CDC37L1: variants seen among roughly 807,000 people sequenced by gnomAD.
The protein encoded by CDC37L1 is cell division cycle 37 like 1, HSP90 cochaperone, also known as hsp90 co-chaperone Cdc37-like 1.
A neutral mutation model predicts 45.9 loss-of-function variants in CDC37L1; 32 were observed. That is an observed-to-expected ratio of 0.70 (90% CI 0.53 to 0.94). The LOEUF is 0.94. Ranked by LOEUF, CDC37L1 falls within the 40% of genes least tolerant of loss-of-function variation. CDC37L1 has a pLI of 0.00. For missense variants in CDC37L1, 434 were observed against 405.7 expected, an observed-to-expected ratio of 1.07 and a Z score of -0.60; for synonymous variants, 150 against 133.0, an observed-to-expected ratio of 1.13 and a Z score of -0.88.
intron 2 of CDC37L1, among the ~76,000 whole-genome samples, chr9:4,687,707 GCAA>G (rs1841263069): frequency 2.2e-5 from 3 of 135,256 alleles, no homozygotes; most frequent in Non-Finnish European, 3.1e-5. Flanking sequence ...AAAAAGACAC[GCAA>G]CAACAACAGT....
At chr9:4,687,392 C>T (rs1469604443) in intron 2 of CDC37L1, among the ~76,000 whole-genome samples, 1 of 152,046 alleles carries the variant, frequency 6.6e-6, no homozygotes, top group East Asian at 1.9e-4. Context: ...AGAAATGCAA[C>T]AAAGGGCCAG....
At position 4,685,140 on chromosome 9, in the gene CDC37L1, C is replaced by T. The variant is rs773175168; in HGVS notation, c.396C>T (p.Ser132=). The T allele has an allele frequency of 7.3e-5, 117 of 1,613,200 alleles. No homozygotes were observed. Among genetic ancestry groups the T allele is most frequent in the Non-Finnish European group, 9.0e-5 (106 of 1,179,408 alleles). The change falls in exon 2 of 7, where the codon AGC becomes AGT. Residue 132 remains serine (S), a synonymous_variant. Transcript: ENST00000381854. ...GTCTGTGGAGCACGGATGCCATTAGCAAGGATGTTTTTAATAAGGTATGAG... is the reference window on the plus strand; with the variant it reads ...GTCTGTGGAGCACGGATGCCATTAGTAAGGATGTTTTTAATAAGGTATGAG... ...KMCLWSTDAI[S]KDVFNKSFIN...
intron 3 of CDC37L1, among the ~76,000 whole-genome samples, chr9:4,695,386 T>A (rs1191981297): frequency 6.6e-6 from 1 of 152,212 alleles, no homozygotes; most frequent in Non-Finnish European, 1.5e-5. Flanking sequence ...CCATAATCAT[T>A]CTGTTTCTCA....
chr9:4,686,732 G>A (rs1277028128), intron 2 of CDC37L1, among the ~76,000 whole-genome samples: 1 of 152,120 alleles, frequency 6.6e-6, no homozygotes, highest in Non-Finnish European at 1.5e-5. Context: ...CACTGGTTTT[G>A]TCTGGGAGCT....
intron 6 of CDC37L1, chr9:4,703,300 C>A (rs1841416558): frequency 6.8e-5 from 22 of 324,762 alleles, no homozygotes; most frequent in Middle Eastern, 8.7e-4. Context: ...AGTGATTGAT[C>A]ATATTTACCC....
At chr9:4,702,100 C>CTT (rs878997521) in intron 6 of CDC37L1, 72 bp downstream of exon 6, 95 of 529,124 alleles carry the variant, frequency 1.8e-4, no homozygotes, top group South Asian at 6.9e-4. Context: ...TTGCCCCACT[C>CTT]TTTTTTTTTT....
Position 4,706,669 on chromosome 9 carries a change from C to T in CDC37L1, c.*557C>T, listed in dbSNP as rs976319737. On this transcript the variant is annotated 3_prime_UTR_variant, in exon 7 of 7. Coordinates refer to ENST00000381854, the MANE Select transcript of CDC37L1 (RefSeq NM_017913.4). The stretch of plus-strand genomic sequence containing the variant: ...TCTTAACTCTTAAATACTTGACTTT[C>T]GGCACCATCAGTTAAATCCTTGACT... The T allele has an allele frequency of 1.3e-5, 2 of 152,578 alleles. No individual in the cohort carries two copies. Among genetic ancestry groups the T allele is most frequent in the Admixed American group, 6.5e-5 (1 of 15,278 alleles). The allele number at this position is 152,578 out of a possible 1,614,324, so 9.5% of individuals were successfully genotyped here. A position where few individuals can be genotyped will look rare whatever the true frequency, so the allele number is the denominator to read the frequency against.
At chr9:4,687,536 G>C (rs1841258554) in intron 2 of CDC37L1, among the ~76,000 whole-genome samples, 1 of 151,920 alleles carries the variant, frequency 6.6e-6, no homozygotes, top group Non-Finnish European at 1.5e-5. Flanking sequence ...AAAATTAGCT[G>C]GGTATGGTGG....
At chr9:4,694,891 A>G (rs1352231856) in intron 3 of CDC37L1, among the ~76,000 whole-genome samples, 1 of 152,036 alleles carries the variant, frequency 6.6e-6, no homozygotes, top group Admixed American at 6.6e-5. Flanking sequence ...AAAAAAAATT[A>G]ACATTTAATG....
intron 5 of CDC37L1, among the ~76,000 whole-genome samples, chr9:4,700,858 A>G (rs1201164299): frequency 2.0e-5 from 3 of 152,226 alleles, no homozygotes; most frequent in Non-Finnish European, 2.9e-5. Context: ...TCATCACTCT[A>G]TATCTAAATC....
At chr9:4,688,797 A>T (rs2181340) in intron 3 of CDC37L1, among the ~76,000 whole-genome samples, 191 bp downstream of exon 3, 48,212 of 151,504 alleles carry the variant, frequency 0.32, 8,443 homozygotes, top group African/African-American at 0.48. Flanking sequence ...TAATTGACAG[A>T]GCAAACCAAA....
chr9:4,691,659 A>G (rs981026824), intron 3 of CDC37L1, among the ~76,000 whole-genome samples: 1 of 151,804 alleles, frequency 6.6e-6, no homozygotes, highest in Admixed American at 6.6e-5. Context: ...TATTCTTCAG[A>G]GTTTTTCCTA....
intron 6 of CDC37L1, chr9:4,703,206 G>C: frequency 1.6e-6 from 2 of 1,256,626 alleles, no homozygotes; most frequent in Non-Finnish European, 2.1e-6. Context: ...ACCTCATAAA[G>C]TGCTAAAAAT....
chr9:4,699,265 C>G (rs1231143693), intron 5 of CDC37L1, among the ~76,000 whole-genome samples: 1 of 152,156 alleles, frequency 6.6e-6, no homozygotes, highest in Non-Finnish European at 1.5e-5. Context: ...GCTCCAAAAT[C>G]CAAAACTGTT....
chr9:4,695,315 G>T (rs1841337808), intron 3 of CDC37L1, among the ~76,000 whole-genome samples: 1 of 152,110 alleles, frequency 6.6e-6, no homozygotes, highest in Non-Finnish European at 1.5e-5. Context: ...CTCCCAAATA[G>T]TGGGGATTAC....
Position 4,697,160 on chromosome 9 carries a change from A to G in CDC37L1, c.573A>G (p.Glu191=). The G allele has an allele frequency of 6.3e-7, 1 of 1,596,376 alleles. No homozygotes were observed. The highest frequency in any genetic ancestry group is 8.6e-7 in the Non-Finnish European group (1 of 1,164,492). ...FLSDHPYLVC[E]ETAKYLILWC... ...CTGACCATCCATACCTTGTATGTGA[A>G]GAAACTGCTAAATATCTTATTTTAT... The change falls in exon 4 of 7, where the codon GAA becomes GAG. Residue 191 remains glutamate, a synonymous_variant. Coordinates refer to ENST00000381854, the MANE Select transcript of CDC37L1 (RefSeq NM_017913.4).
chr9:4,686,945 A>C (rs1359875100), intron 2 of CDC37L1, among the ~76,000 whole-genome samples: 3 of 152,258 alleles, frequency 2.0e-5, no homozygotes, highest in African/African-American at 7.2e-5. Flanking sequence ...TGAAATGATA[A>C]TAGGCTGGAT....
In CDC37L1 at chr9:4,694,803, G is replaced by A. The variant is rs186069768; in HGVS notation, c.509-2293G>A. Reference sequence around the variant, plus strand: ...GAGAATTACTTGAACCCAGGAGGTGGAGGTTGCAGTGAGCTGAGATCGTGT... The same window carrying A: ...GAGAATTACTTGAACCCAGGAGGTGAAGGTTGCAGTGAGCTGAGATCGTGT... On this transcript the variant is annotated intron_variant, in intron 3 of 6. Transcript: ENST00000381854. Among the ~76,000 whole-genome samples the A allele has an allele frequency of 1.1e-4, 17 of 152,222 alleles. No individual in the cohort carries two copies. The East Asian group carries it at 3.3e-3, about 29-fold the overall frequency.
intron 6 of CDC37L1, among the ~76,000 whole-genome samples, chr9:4,704,379 G>A (rs578192206): frequency 6.6e-6 from 1 of 152,176 alleles, no homozygotes; most frequent in South Asian, 2.1e-4. Flanking sequence ...TGTTGAGAAT[G>A]TTACTAGATG....
Sources: allele counts gnomAD v4.1 joint callset (sites outside exome capture counted in the v4.1 genomes callset), GRCh38; gene constraint gnomAD v4.1.1; transcripts MANE v1.5; gene names NCBI Gene and HGNC (gene_info 2026-07-23, HGNC 2026-07-21).